NAA16: variants seen among roughly 807,000 people sequenced by gnomAD.
The protein encoded by NAA16 is NARG1-like protein.
Under a neutral mutation model 110.3 loss-of-function variants are expected in NAA16, and 97 were observed. That is an observed-to-expected ratio of 0.88 (90% CI 0.75 to 1.04). The LOEUF (loss-of-function observed/expected upper bound fraction) is 1.04, where lower values mean the gene tolerates loss of function less well. Ranked by LOEUF, NAA16 falls within the 50% of genes least tolerant of loss-of-function variation. The probability of loss-of-function intolerance (pLI) is 0.00; values close to 1 mark genes in which losing one functional copy is unlikely to be tolerated. For synonymous variants in NAA16, 372 were observed against 330.6 expected, an observed-to-expected ratio of 1.13 and a Z score of -1.36; for missense variants, 1,017 against 1,005.1, an observed-to-expected ratio of 1.01 and a Z score of -0.16.
chr13:41,367,631 AAAC>A lies in NAA16; in HGVS notation c.1738_1740del (p.Gln580del), dbSNP rs745333891. On this transcript the variant is annotated inframe_deletion, in exon 14 of 20. Transcript: ENST00000379406. ...TGATAATCCCTTAACCAATGAAAGC[AAAC>A]AACAAGAAATAAACTCAGGTAACTG... is the stretch of plus-strand genomic sequence containing the variant. 7 of 1,607,180 alleles carry A rather than the reference AAAC, an allele frequency of 4.4e-6. No individual in the cohort carries two copies. The highest frequency in any genetic ancestry group is 6.0e-6 in the Non-Finnish European group (7 of 1,176,260).
intron 1 of NAA16, among the ~76,000 whole-genome samples, chr13:41,313,534 A>G (rs2041711479): frequency 6.6e-6 from 1 of 152,254 alleles, no homozygotes; most frequent in South Asian, 2.1e-4. Flanking sequence ...AATTATCTTT[A>G]AAGTTTAGTG....
In NAA16 at chr13:41,369,226, A is replaced by T. The variant is rs769875149; in HGVS notation, c.1890A>T (p.Glu630Asp). ...AAAATCAAAAGAAAAAAAGAGATGA[A>T]GAAGAAGAAGAAGCCAGTGGCCTTA... ...QQKNQKKKRD[E>D]EEEEASGLKE... The change falls in exon 15 of 20, where the codon GAA (glutamate) becomes GAT (aspartate). Residue 630 changes from glutamate to aspartate, a missense_variant. Physicochemically the swap from Glu to Asp is conservative, Grantham distance 45. Transcript: ENST00000379406. The T allele has an allele frequency of 1.2e-5, 19 of 1,583,824 alleles. No individual in the cohort carries two copies. The highest frequency in any genetic ancestry group is 3.6e-5 in the Admixed American group (2 of 54,860).
rs993950057 is a variant in NAA16 at position 41,372,264 on chromosome 13, A to G, written c.2009A>G (p.Asp670Gly). Reference sequence around the variant, plus strand: ...ATACCTCTTAAGAACCTTGTTGCTGATAACATTGACACTCATCTGTTAGCA... The same window carrying G: ...ATACCTCTTAAGAACCTTGTTGCTGGTAACATTGACACTCATCTGTTAGCA... ...FLIPLKNLVA[D>G]NIDTHLLAFE... Residue 670 changes from aspartate (D) to glycine (G), a missense_variant, in exon 16 of 20, where the codon GAT (aspartate) becomes GGT (glycine). Transcript: ENST00000379406. 6.2e-6 allele frequency: 10 copies of G among 1,603,786 alleles called. No homozygotes were observed. In the African/African-American group the frequency reaches 1.2e-4, roughly 19 times the overall value.
Position 41,375,540 on chromosome 13 carries a change from G to A in NAA16, c.2533G>A (p.Asp845Asn), listed in dbSNP as rs868528520. Residue 845 changes from aspartate to asparagine, a missense_variant, in exon 20 of 20, where the codon GAC becomes AAC. Physicochemically the swap from Asp to Asn is conservative, Grantham distance 23. Coordinates refer to ENST00000379406, the MANE Select transcript of NAA16 (RefSeq NM_024561.5). ...CTTCTTGCCTGCTGTGAATGAAGTC[G>A]ACAATCCTAATGTGGCACTGAACCA... ...SAFLPAVNEV[D>N]NPNVALNHTA... 34 of 1,613,908 alleles carry A rather than the reference G, an allele frequency of 2.1e-5. No homozygotes were observed. Among genetic ancestry groups the A allele is most frequent in the African/African-American group, 2.7e-5 (2 of 74,890 alleles).
chr13:41,333,088 C>A (rs2139419958), intron 8 of NAA16, among the ~76,000 whole-genome samples: 1 of 152,176 alleles, frequency 6.6e-6, no homozygotes, highest in South Asian at 2.1e-4. Context: ...GGGTTAGACA[C>A]AGCTATCAGG....
intron 6 of NAA16, 149 bp from the exon 7 acceptor site, chr13:41,328,575 T>C (rs2042152851): frequency 1.6e-6 from 1 of 615,934 alleles, no homozygotes; most frequent in South Asian, 2.2e-5. Context: ...AAGCTATGCT[T>C]AGTTACATGA....
At chr13:41,315,480 A>C (rs2041783675) in intron 1 of NAA16, among the ~76,000 whole-genome samples, 1 of 152,196 alleles carries the variant, frequency 6.6e-6, no homozygotes, top group Non-Finnish European at 1.5e-5. Flanking sequence ...TGGTCTTTGG[A>C]GTAAGATCAG....
Position 41,373,769 on chromosome 13 carries a change from A to G in NAA16, c.2288A>G (p.His763Arg). ...FLKRNATSLQ[H>R]LLSGAKMMYF... ...AAACGTAACGCTACCTCTCTTCAGC[A>G]TCTACTTTCAGGTTTGTTTGTAGCC... Residue 763 changes from histidine to arginine, a missense_variant, in exon 18 of 20, where the codon CAT becomes CGT. Transcript: ENST00000379406. The G allele has an allele frequency of 6.3e-7, 1 of 1,598,988 alleles. No individual in the cohort carries two copies. The highest frequency in any genetic ancestry group is 1.1e-5 in the South Asian group (1 of 87,676).
At chr13:41,373,050 T>C in intron 17 of NAA16, 1 of 829,464 alleles carries the variant, frequency 1.2e-6, no homozygotes, top group Non-Finnish European at 1.5e-6. Flanking sequence ...ATTAAGCTGG[T>C]GGACATTAAA....
chr13:41,340,447 G>C (rs6560979), intron 9 of NAA16, among the ~76,000 whole-genome samples: 109,120 of 151,758 alleles, frequency 0.72, 41,413 homozygotes, highest in South Asian at 0.9. Flanking sequence ...GATCTTTCCT[G>C]CTTTTCTTGT....
chr13:41,366,151 A>C (rs1480107237), intron 13 of NAA16, among the ~76,000 whole-genome samples: 4 of 152,178 alleles, frequency 2.6e-5, no homozygotes, highest in African/African-American at 9.7e-5. Flanking sequence ...TTTCAATTAC[A>C]ACATCATTAA....
At chr13:41,328,656 A>G (rs952586204) in intron 6 of NAA16, 68 bp from the exon 7 acceptor site, 28 of 1,305,064 alleles carry the variant, frequency 2.1e-5, no homozygotes, top group Non-Finnish European at 3.0e-5. Context: ...GATAATGTTT[A>G]GTGAAGTCCC....
At chr13:41,343,601 G>A (rs1243771828) in intron 9 of NAA16, among the ~76,000 whole-genome samples, 2 of 152,026 alleles carry the variant, frequency 1.3e-5, no homozygotes, top group Non-Finnish European at 2.9e-5. Context: ...CACCATCTCG[G>A]CTCACTGCAG....
chr13:41,358,403 A>G lies in NAA16; in HGVS notation c.1187A>G (p.Tyr396Cys), dbSNP rs748037334. 3 of 1,613,428 alleles carry G rather than the reference A, an allele frequency of 1.9e-6. No individual in the cohort carries two copies. In the Admixed American group the frequency reaches 5.0e-5, roughly 27 times the overall value. Residue 396 changes from tyrosine to cysteine, a missense_variant, in exon 11 of 20, where the codon TAT (tyrosine) becomes TGT (cysteine). Coordinates refer to ENST00000379406, the MANE Select transcript of NAA16 (RefSeq NM_024561.5). ...GGACAGTATTCTTTGGCTTTGGATT[A>G]TATTAATGCTGCAATTGCTAGTACT... Reference protein sequence around the residue: ...KLGQYSLALDYINAAIASTPT... With the variant: ...KLGQYSLALDCINAAIASTPT...
chr13:41,361,816 C>T (rs977967604), intron 12 of NAA16, among the ~76,000 whole-genome samples: 4 of 152,194 alleles, frequency 2.6e-5, no homozygotes, highest in Non-Finnish European at 5.9e-5. Context: ...TATCTTTAGA[C>T]CATGGTCGAC....
Position 41,354,886 on chromosome 13 carries a change from A to ATTTTTTTTTTT in NAA16, c.1015-249_1015-239dup, listed in dbSNP as rs10671840. On this transcript the variant is annotated intron_variant, in intron 9 of 19. Coordinates refer to ENST00000379406, the MANE Select transcript of NAA16 (RefSeq NM_024561.5). ...AATGTGTCCCTTATAGGAGTGGTCC[A>ATTTTTTTTTTT]TTTTTTTTTTTTTTTTTTTGTCTTG... Among the ~76,000 whole-genome samples, 124 of 112,416 alleles carry ATTTTTTTTTTT rather than the reference A, an allele frequency of 1.1e-3. 2 individuals carry two copies. The highest frequency in any genetic ancestry group is 1.9e-3 in the East Asian group (7 of 3,738). The allele number at this position is 112,416 out of a possible 152,430, so 73.7% of individuals were successfully genotyped here. A position where few individuals can be genotyped will look rare whatever the true frequency, so the allele number is the denominator to read the frequency against.
At position 41,375,668 on chromosome 13, in the gene NAA16, G is replaced by T. The variant is rs6560982; in HGVS notation, c.*66G>T. 0.94 allele frequency: 1,146,184 copies of T among 1,225,474 alleles called. 536,540 individuals are homozygous for T. The highest frequency in any genetic ancestry group is 0.99 in the South Asian group (59,878 of 60,784). 75.9% of individuals were successfully genotyped at this position (1,225,474 alleles called of 1,614,324 possible). ...TTGAGATCAGGGTTTCTTTTCCAGG[G>T]TGCATTTTAATATACGTATGAAATG... On this transcript the variant is annotated 3_prime_UTR_variant, in exon 20 of 20. Transcript: ENST00000379406.
intron 5 of NAA16, 133 bp downstream of exon 5, chr13:41,323,323 C>A: frequency 6.1e-6 from 5 of 816,164 alleles, no homozygotes; most frequent in South Asian, 1.8e-5. Context: ...TAATTGGAAA[C>A]AGTTAAAATG....
chr13:41,342,144 T>TC (rs2042567972), intron 9 of NAA16, among the ~76,000 whole-genome samples: 1 of 137,538 alleles, frequency 7.3e-6, no homozygotes, highest in African/African-American at 2.8e-5. Context: ...TCTCTCTCTC[T>TC]TTTTTTTTTT....
Sources: allele counts gnomAD v4.1 joint callset (sites outside exome capture counted in the v4.1 genomes callset), GRCh38; gene constraint gnomAD v4.1.1; transcripts MANE v1.5; gene names NCBI Gene and HGNC (gene_info 2026-07-23, HGNC 2026-07-21).